DPYD: variants seen among roughly 807,000 people sequenced by gnomAD.
DPYD encodes the protein dihydropyrimidine dehydrogenase.
DPYD carries 109 observed loss-of-function variants against 116.2 expected under a neutral mutation model. The ratio of observed to expected loss-of-function variants is 0.94; its 90% confidence interval spans 0.80 to 1.10. The LOEUF is 1.10. DPYD is among the 50% of genes least tolerant of loss of function. The probability of loss-of-function intolerance (pLI) is 0.00; values close to 1 mark genes in which losing one functional copy is unlikely to be tolerated. For synonymous variants in DPYD, 440 were observed against 432.0 expected (o/e 1.02, Z -0.23); for missense variants, 1,302 against 1,254.5 (o/e 1.04, Z -0.57).
chr1:97,583,481 G>T lies in DPYD; in HGVS notation c.1129-9511C>A, dbSNP rs541162438. On this transcript the variant is annotated intron_variant, in intron 10 of 22. Coordinates refer to ENST00000370192, the MANE Select transcript of DPYD (RefSeq NM_000110.4). Reference sequence around the variant, plus strand: ...CTGTTGGAGTATCTCACAAAACTACGTTCTGTGTAACTTGGTGCCTTTGTA... The same window carrying T: ...CTGTTGGAGTATCTCACAAAACTACTTTCTGTGTAACTTGGTGCCTTTGTA... Among the ~76,000 whole-genome samples the T allele has an allele frequency of 4.6e-5, 7 of 152,022 alleles. No individual in the cohort carries two copies. The South Asian group carries it at 1.0e-3, about 23-fold the overall frequency.
chr1:97,203,174 T>C (rs1336333529), intron 19 of DPYD, among the ~76,000 whole-genome samples: 3 of 152,104 alleles, frequency 2.0e-5, no homozygotes, highest in Non-Finnish European at 2.9e-5. Flanking sequence ...CAATTTTCAA[T>C]TACTCTGCAG....
At chr1:97,468,282 G>C (rs1677441254) in intron 13 of DPYD, among the ~76,000 whole-genome samples, 1 of 151,942 alleles carries the variant, frequency 6.6e-6, no homozygotes. Flanking sequence ...TTATACTATG[G>C]TCTGAATGTT....
At chr1:97,868,541 G>A (rs547706283) in intron 2 of DPYD, among the ~76,000 whole-genome samples, 34 of 151,716 alleles carry the variant, frequency 2.2e-4, no homozygotes, top group Non-Finnish European at 3.8e-4. Context: ...TTTACCATGT[G>A]CTAAACTTTG....
intron 16 of DPYD, 99 bp from the exon 17 acceptor site, chr1:97,306,396 C>T: frequency 1.4e-6 from 2 of 1,478,798 alleles, no homozygotes; most frequent in Admixed American, 3.4e-5. Context: ...CAAGACAAAT[C>T]CAACTTGACA....
At position 97,197,134 on chromosome 1, in the gene DPYD, G is replaced by T. The variant is rs756938690; in HGVS notation, c.2443-3886C>A. 2.0e-5 allele frequency among the ~76,000 whole-genome samples: 3 copies of T among 152,144 alleles called. No individual in the cohort carries two copies. In the East Asian group the frequency reaches 5.8e-4, roughly 29 times the overall value. ...TATGAACAAGAACATTTTCTAGGAAGCCCATTTACATCAGATTAAAAAAAT... is the reference window on the plus strand; with the variant it reads ...TATGAACAAGAACATTTTCTAGGAATCCCATTTACATCAGATTAAAAAAAT... On this transcript the variant is annotated intron_variant, in intron 19 of 22. Coordinates refer to ENST00000370192, the MANE Select transcript of DPYD (RefSeq NM_000110.4).
intron 18 of DPYD, among the ~76,000 whole-genome samples, chr1:97,291,647 T>C (rs1394658468): frequency 6.9e-6 from 1 of 145,378 alleles, no homozygotes; most frequent in South Asian, 2.2e-4. Flanking sequence ...TGAGAACACA[T>C]GGACACAGGA....
intron 14 of DPYD, among the ~76,000 whole-genome samples, chr1:97,399,531 C>T (rs1429937417): frequency 6.6e-6 from 1 of 152,036 alleles, no homozygotes; most frequent in East Asian, 1.9e-4. Flanking sequence ...CTATAAATTA[C>T]CTTGGGCAGT....
At chr1:97,894,279 C>T (rs1255830599) in intron 1 of DPYD, among the ~76,000 whole-genome samples, 3 of 151,760 alleles carry the variant, frequency 2.0e-5, no homozygotes, top group Non-Finnish European at 4.4e-5. Flanking sequence ...ATGAGGGTCC[C>T]ACCCTCATGA....
intron 3 of DPYD, among the ~76,000 whole-genome samples, chr1:97,821,731 C>T (rs1668950176): frequency 6.6e-6 from 1 of 152,176 alleles, no homozygotes; most frequent in Non-Finnish European, 1.5e-5. Context: ...CTGCAGTGAA[C>T]TTCTCCATTG....
chr1:97,229,592 T>C (rs575211902), intron 19 of DPYD, among the ~76,000 whole-genome samples: 1 of 101,430 alleles, frequency 9.9e-6, no homozygotes, highest in African/African-American at 3.4e-5. Context: ...ATATATATAC[T>C]GATTTTAATT....
intron 3 of DPYD, among the ~76,000 whole-genome samples, chr1:97,770,807 A>G (rs1287395310): frequency 2.0e-5 from 3 of 152,122 alleles, no homozygotes; most frequent in African/African-American, 4.8e-5. Flanking sequence ...GTTCCTTAAT[A>G]TATCTTATTA....
chr1:97,455,796 G>A (rs952708986), intron 13 of DPYD, among the ~76,000 whole-genome samples: 8 of 151,610 alleles, frequency 5.3e-5, no homozygotes, highest in Non-Finnish European at 8.9e-5. Context: ...CTCTCTACTT[G>A]GTTTTCTTGG....
At chr1:97,558,693 T>A (rs1475674342) in intron 11 of DPYD, among the ~76,000 whole-genome samples, 1 of 152,204 alleles carries the variant, frequency 6.6e-6, no homozygotes, top group South Asian at 2.1e-4. Context: ...TGGATGTCAA[T>A]AATAGCCTAT....
chr1:97,868,435 C>G (rs1428528179), intron 2 of DPYD, among the ~76,000 whole-genome samples: 6 of 151,672 alleles, frequency 4.0e-5, no homozygotes, highest in African/African-American at 1.5e-4. Context: ...GAAATCAAAG[C>G]TAAATGATTA....
chr1:97,873,802 T>A (rs1671774936), intron 2 of DPYD, among the ~76,000 whole-genome samples: 1 of 152,078 alleles, frequency 6.6e-6, no homozygotes, highest in South Asian at 2.1e-4. Context: ...TCAGTAAATA[T>A]TCAATTGTTA....
At chr1:97,408,761 G>C (rs1029995644) in intron 14 of DPYD, among the ~76,000 whole-genome samples, 12 of 152,174 alleles carry the variant, frequency 7.9e-5, no homozygotes, top group Non-Finnish European at 1.3e-4. Context: ...CATCTGATCA[G>C]CTTCCAGCAT....
At chr1:97,743,809 T>C (rs1227937659) in intron 3 of DPYD, among the ~76,000 whole-genome samples, 1 of 152,112 alleles carries the variant, frequency 6.6e-6, no homozygotes, top group African/African-American at 2.4e-5. Context: ...CTTGTTTTCA[T>C]CTTTAGTCAT....
intron 3 of DPYD, among the ~76,000 whole-genome samples, chr1:97,810,159 C>A (rs113049477): frequency 6.6e-6 from 1 of 151,158 alleles, no homozygotes; most frequent in African/African-American, 2.4e-5. Flanking sequence ...TGGTGGCGGG[C>A]GCCTGTAGTC....
intron 3 of DPYD, among the ~76,000 whole-genome samples, chr1:97,788,788 A>T (rs551792669): frequency 6.6e-6 from 1 of 152,220 alleles, no homozygotes; most frequent in South Asian, 2.1e-4. Flanking sequence ...CAAAAATACA[A>T]GCTGTATTAT....
Sources: allele counts gnomAD v4.1 joint callset (sites outside exome capture counted in the v4.1 genomes callset), GRCh38; gene constraint gnomAD v4.1.1; transcripts MANE v1.5; gene names NCBI Gene and HGNC (gene_info 2026-07-23, HGNC 2026-07-21).